Variants in RAB11FIP3 observed in about 807,000 individuals in gnomAD.
RAB11FIP3 encodes the protein rab11 family-interacting protein 3.
In RAB11FIP3, 17 loss-of-function variants were observed where a neutral mutation model predicts 77.8. That is an observed-to-expected ratio of 0.22 (90% CI 0.15 to 0.33). RAB11FIP3 has a LOEUF of 0.33. RAB11FIP3 is among the 10% of genes least tolerant of loss of function. The pLI, the probability that RAB11FIP3 is intolerant of heterozygous loss-of-function variation, is 1.00. For synonymous variants in RAB11FIP3, 437 were observed against 448.2 expected, an observed-to-expected ratio of 0.98 and a Z score of 0.31; for missense variants, 1,005 against 1,011.2, an observed-to-expected ratio of 0.99 and a Z score of 0.08.
rs182984519 is a variant in RAB11FIP3, at chr16:487,838, C to T, written c.1116-1013C>T. ...GGTATTTGGAAGCCCCTTCCTTTCC[C>T]TGTCGCAGCTGCTGTTACGTTTTAG... On this transcript the variant is annotated intron_variant, in intron 4 of 13. Coordinates refer to ENST00000262305, the MANE Select transcript of RAB11FIP3 (RefSeq NM_014700.4). Among the ~76,000 whole-genome samples, 4 of 152,332 alleles carry T rather than the reference C, an allele frequency of 2.6e-5. No individual in the cohort carries two copies. In the East Asian group the frequency reaches 7.7e-4, roughly 29 times the overall value.
At position 505,742 on chromosome 16, in the gene RAB11FIP3, C is replaced by T. The variant is rs1052521943; in HGVS notation, c.1499+115C>T. The T allele has an allele frequency of 1.1e-6, 1 of 889,244 alleles. No homozygotes were observed. The highest frequency in any genetic ancestry group is 1.7e-5 in the African/African-American group (1 of 59,410). The allele number at this position is 889,244 out of a possible 1,614,324, so 55.1% of individuals were successfully genotyped here. ...CAGGGGCTTGGCCACCCGTCCATCC[C>T]CGTTGGAAGCCGGCTGAGGGGGTGG... On this transcript the variant is annotated intron_variant, in intron 8 of 13. Coordinates refer to ENST00000262305, the MANE Select transcript of RAB11FIP3 (RefSeq NM_014700.4). The surrounding 1 kb of genome is among the most constrained non-coding windows in gnomAD (Gnocchi z 4.0).
chr16:433,692 CA>C (rs879788474), intron 1 of RAB11FIP3, among the ~76,000 whole-genome samples: 280 of 133,782 alleles, frequency 2.1e-3, no homozygotes, highest in Non-Finnish European at 1.9e-3. Flanking sequence ...ACTAAAAATA[CA>C]AAAAAAAAAA....
chr16:478,976 A>G (rs118084286), intron 3 of RAB11FIP3, among the ~76,000 whole-genome samples: 1,695 of 152,248 alleles, frequency 0.011, 12 homozygotes, highest in Non-Finnish European at 0.016. Flanking sequence ...AAAAACAAGA[A>G]CAATTAGAAA....
chr16:450,924 A>G (rs1418289618), intron 1 of RAB11FIP3, among the ~76,000 whole-genome samples: 1 of 148,066 alleles, frequency 6.8e-6, no homozygotes, highest in Non-Finnish European at 1.5e-5. Flanking sequence ...CCAGACCTGA[A>G]GTGCAGGAAG....
intron 9 of RAB11FIP3, 93 bp from the exon 10 acceptor site, chr16:518,850 G>C: frequency 7.6e-7 from 1 of 1,308,974 alleles, no homozygotes; most frequent in South Asian, 1.2e-5. Flanking sequence ...GTCACAGGGC[G>C]GCCCCAGCAG....
chr16:436,872 C>T (rs544583618), intron 1 of RAB11FIP3, among the ~76,000 whole-genome samples: 1 of 152,248 alleles, frequency 6.6e-6, no homozygotes, highest in Non-Finnish European at 1.5e-5. Context: ...AACCATCTTG[C>T]TAGGCCAACA....
At chr16:455,033 G>A (rs2055477093) in intron 1 of RAB11FIP3, among the ~76,000 whole-genome samples, 2 of 144,388 alleles carry the variant, frequency 1.4e-5, no homozygotes, top group South Asian at 2.2e-4. Flanking sequence ...CTGGGTGACA[G>A]AGCGAAACTC....
chr16:490,527 C>T (rs1361101400), intron 5 of RAB11FIP3, among the ~76,000 whole-genome samples: 3 of 152,050 alleles, frequency 2.0e-5, no homozygotes, highest in Admixed American at 6.6e-5. Context: ...TTTGTAGAGA[C>T]GGGTTCACCA....
intron 5 of RAB11FIP3, among the ~76,000 whole-genome samples, chr16:494,168 T>C (rs1053851759): frequency 1.2e-4 from 17 of 144,566 alleles, no homozygotes; most frequent in Admixed American, 2.1e-4. Context: ...GGATTACAGG[T>C]GTGAGCCACC....
Position 519,743 on chromosome 16 carries a change from C to A in RAB11FIP3, c.1723-11C>A. 2 of 1,611,480 alleles carry A rather than the reference C, an allele frequency of 1.2e-6. No individual in the cohort carries two copies. Among genetic ancestry groups the A allele is most frequent in the Non-Finnish European group, 1.7e-6 (2 of 1,179,046 alleles). ...GTGACCCGCATCCAGGGCAGGTGTC[C>A]ACCCCTGCAGGAGAAGCAGAAGCTG... On this transcript the variant is annotated splice_polypyrimidine_tract_variant and intron_variant, in intron 10 of 13. Transcript: ENST00000262305.
At chr16:475,937 A>C (rs1314395336) in intron 3 of RAB11FIP3, among the ~76,000 whole-genome samples, 3 of 151,840 alleles carry the variant, frequency 2.0e-5, no homozygotes, top group African/African-American at 7.3e-5. Flanking sequence ...GCTCACTGCA[A>C]CCTCCACCTC....
In RAB11FIP3 at chr16:461,978, C is replaced by T. The variant is rs925633160; in HGVS notation, c.808+481C>T. ...TGAACACTGCAGCCCGTACCACCAT[C>T]GTTCCCTAGAGCTCAGTGTTTGTTT... On this transcript the variant is annotated intron_variant, in intron 2 of 13. Transcript: ENST00000262305. The surrounding 1 kb of genome is among the most constrained non-coding windows in gnomAD (Gnocchi z 4.5). Among the ~76,000 whole-genome samples, 2 of 152,202 alleles carry T rather than the reference C, an allele frequency of 1.3e-5. No homozygotes were observed. Among genetic ancestry groups the T allele is most frequent in the African/African-American group, 2.4e-5 (1 of 41,446 alleles).
intron 1 of RAB11FIP3, among the ~76,000 whole-genome samples, chr16:430,091 A>G (rs545953545): frequency 6.6e-6 from 1 of 152,062 alleles, no homozygotes; most frequent in Non-Finnish European, 1.5e-5. Flanking sequence ...TTCTGGTTAT[A>G]TTTTTTTGAA....
At chr16:486,634 C>T (rs146298003) in intron 4 of RAB11FIP3, among the ~76,000 whole-genome samples, 32 of 152,336 alleles carry the variant, frequency 2.1e-4, no homozygotes, top group Middle Eastern at 3.4e-3. Flanking sequence ...GCAGACCGTC[C>T]GGTTCATACA....
At chr16:432,312 G>A (rs2055050476) in intron 1 of RAB11FIP3, among the ~76,000 whole-genome samples, 1 of 152,060 alleles carries the variant, frequency 6.6e-6, no homozygotes, top group South Asian at 2.1e-4. Flanking sequence ...GGGAGGCAGA[G>A]GTTGCAGTGA....
intron 1 of RAB11FIP3, among the ~76,000 whole-genome samples, chr16:437,952 G>A (rs2055159470): frequency 6.6e-6 from 1 of 152,164 alleles, no homozygotes; most frequent in Non-Finnish European, 1.5e-5. Context: ...TGGGATTAAA[G>A]GCTCGTGCCA....
At chr16:453,141 C>A in intron 1 of RAB11FIP3, among the ~76,000 whole-genome samples, 1 of 151,118 alleles carries the variant, frequency 6.6e-6, no homozygotes, top group Non-Finnish European at 1.5e-5. Context: ...AGTGAGCGAT[C>A]TTGGCTCACT....
chr16:462,559 G>T (rs1243229779), intron 2 of RAB11FIP3, among the ~76,000 whole-genome samples: 1 of 148,404 alleles, frequency 6.7e-6, no homozygotes, highest in Non-Finnish European at 1.5e-5. Context: ...CTGTCTTGAG[G>T]GTTCGCGTGC....
chr16:496,680 T>C (rs1325763625), intron 5 of RAB11FIP3, 144 bp from the exon 6 acceptor site: 3 of 749,640 alleles, frequency 4.0e-6, no homozygotes, highest in East Asian at 2.8e-5. Flanking sequence ...CATTTGTGCA[T>C]GGACTTGCCT....
Sources: allele counts gnomAD v4.1 joint callset (sites outside exome capture counted in the v4.1 genomes callset), GRCh38; gene constraint gnomAD v4.1.1; non-coding constraint Gnocchi (gnomAD v3.1); transcripts MANE v1.5; gene names NCBI Gene and HGNC (gene_info 2026-07-23, HGNC 2026-07-21).